Variants in CWC27 observed in about 807,000 individuals in gnomAD.
The protein encoded by CWC27 is CWC27 spliceosome associated cyclophilin, also known as spliceosome-associated protein CWC27 homolog.
A neutral mutation model predicts 63.6 loss-of-function variants in CWC27; 47 were observed. The observed-to-expected ratio is 0.74, with a 90% CI of 0.58 to 0.94. The LOEUF (loss-of-function observed/expected upper bound fraction) is 0.94, where lower values mean the gene tolerates loss of function less well. Ranked by LOEUF, CWC27 falls within the 40% of genes least tolerant of loss-of-function variation. CWC27 has a pLI of 0.00. For missense variants in CWC27, 495 were observed against 554.3 expected, an observed-to-expected ratio of 0.89 and a Z score of 1.07; for synonymous variants, 175 against 179.8, an observed-to-expected ratio of 0.97 and a Z score of 0.22.
intron 11 of CWC27, among the ~76,000 whole-genome samples, chr5:64,936,793 T>C (rs1460283147): frequency 6.6e-6 from 1 of 152,222 alleles, no homozygotes; most frequent in Non-Finnish European, 1.5e-5. Flanking sequence ...TATTGGTCTA[T>C]TCAGGGATTT....
intron 11 of CWC27, among the ~76,000 whole-genome samples, chr5:64,940,441 AC>A (rs879469786): frequency 2.6e-5 from 4 of 152,046 alleles, no homozygotes; most frequent in Non-Finnish European, 4.4e-5. Context: ...CGTGGGCTGC[AC>A]CCACTGTCTA....
rs1016524699 is a variant in CWC27 at position 64,914,752 on chromosome 5, C to T, written c.1042+29206C>T. Among the ~76,000 whole-genome samples, 3 of 152,116 alleles carry T rather than the reference C, an allele frequency of 2.0e-5. No homozygotes were observed. The South Asian group carries it at 6.2e-4, about 31-fold the overall frequency. ...ACACACAGTCCATGATTCACTGATT[C>T]TACCGTTACATACCTAGTTATCAGA... On this transcript the variant is annotated intron_variant, in intron 11 of 13. Coordinates refer to ENST00000381070, the MANE Select transcript of CWC27 (RefSeq NM_005869.4).
In CWC27 at chr5:64,853,593, AG is replaced by A. The variant is rs572114673; in HGVS notation, c.939-31848del. ...AGGTTTAATTTGCTTACAGTTCTGT[AG>A]GCTGTAAGCATGATATCAACATCTG... On this transcript the variant is annotated intron_variant, in intron 10 of 13. Coordinates refer to ENST00000381070, the MANE Select transcript of CWC27 (RefSeq NM_005869.4). Among the ~76,000 whole-genome samples, 92 of 152,354 alleles carry A rather than the reference AG, an allele frequency of 6.0e-4. No homozygotes were observed. The East Asian group carries it at 0.016, about 26-fold the overall frequency.
intron 11 of CWC27, among the ~76,000 whole-genome samples, chr5:64,898,319 T>TA (rs370475201): frequency 0.02 from 2,982 of 148,346 alleles, 57 homozygotes; most frequent in African/African-American, 0.055. Context: ...AAAGAAGCCT[T>TA]AAAAAAAAAA....
At chr5:64,825,990 C>T (rs1227700019) in intron 10 of CWC27, among the ~76,000 whole-genome samples, 3 of 152,200 alleles carry the variant, frequency 2.0e-5, no homozygotes, top group South Asian at 4.1e-4. Flanking sequence ...AGTTCCAGCA[C>T]GCCCTTCCTG....
intron 13 of CWC27, among the ~76,000 whole-genome samples, chr5:65,015,331 G>T (rs1405778862): frequency 6.6e-6 from 1 of 152,190 alleles, no homozygotes; most frequent in Non-Finnish European, 1.5e-5. Flanking sequence ...CAGAGAAAAG[G>T]ATAATTTTTT....
chr5:64,807,702 A>G (rs1342595890), intron 10 of CWC27: 1 of 1,535,868 alleles, frequency 6.5e-7, no homozygotes, highest in Non-Finnish European at 8.7e-7. Context: ...TTCCAGCCTC[A>G]GCTGTGTCTC....
intron 11 of CWC27, among the ~76,000 whole-genome samples, chr5:64,960,204 C>T (rs1748881685): frequency 7.4e-6 from 1 of 135,468 alleles, no homozygotes; most frequent in Non-Finnish European, 1.7e-5. Context: ...GAATTGTTTT[C>T]CTAGGGATTT....
At chr5:64,983,491 C>A (rs148621502) in intron 13 of CWC27, among the ~76,000 whole-genome samples, 14 of 152,206 alleles carry the variant, frequency 9.2e-5, no homozygotes, top group Non-Finnish European at 1.5e-5. Context: ...CTTTGAGAAC[C>A]GCTGGGACAA....
Position 64,785,580 on chromosome 5 carries a change from G to A in CWC27, c.495+1G>A. On this transcript the variant is annotated splice_donor_variant, in intron 5 of 13. Coordinates refer to ENST00000381070, the MANE Select transcript of CWC27 (RefSeq NM_005869.4). LOFTEE classifies it high-confidence loss of function. ...TCCACACAAAATAAAAAGCTGTGAG[G>A]TAGGAGCATGATTATTACGAGATAC... is the stretch of plus-strand genomic sequence containing the variant. 7 of 1,569,650 alleles carry A rather than the reference G, an allele frequency of 4.5e-6. No homozygotes were observed. The highest frequency in any genetic ancestry group is 6.1e-6 in the Non-Finnish European group (7 of 1,150,390).
At chr5:64,962,724 A>G (rs1232563253) in intron 11 of CWC27, among the ~76,000 whole-genome samples, 1 of 152,190 alleles carries the variant, frequency 6.6e-6, no homozygotes, top group African/African-American at 2.4e-5. Context: ...GAACCCCTTG[A>G]TTGTCTGGTA....
intron 1 of CWC27, among the ~76,000 whole-genome samples, chr5:64,770,583 T>C (rs1015770241): frequency 3.9e-5 from 6 of 152,198 alleles, no homozygotes; most frequent in African/African-American, 1.4e-4. Context: ...TTTTAGTTTT[T>C]TTCATGGTAT....
At chr5:64,901,806 T>G (rs1747517372) in intron 11 of CWC27, among the ~76,000 whole-genome samples, 1 of 152,220 alleles carries the variant, frequency 6.6e-6, no homozygotes, top group Non-Finnish European at 1.5e-5. Context: ...AAATATTTTC[T>G]TTATATCTTT....
intron 11 of CWC27, among the ~76,000 whole-genome samples, chr5:64,944,318 T>G (rs1748546499): frequency 6.6e-6 from 1 of 152,184 alleles, no homozygotes; most frequent in Non-Finnish European, 1.5e-5. Flanking sequence ...CTGTTTACTC[T>G]TAAATTTACT....
intron 11 of CWC27, among the ~76,000 whole-genome samples, chr5:64,933,018 A>G (rs1203396425): frequency 2.0e-5 from 3 of 152,172 alleles, no homozygotes; most frequent in Non-Finnish European, 4.4e-5. Context: ...CTAATCATCT[A>G]TGATTTTTCT....
intron 10 of CWC27, among the ~76,000 whole-genome samples, chr5:64,819,663 G>A (rs987936354): frequency 2.0e-5 from 3 of 152,126 alleles, no homozygotes; most frequent in Non-Finnish European, 4.4e-5. Flanking sequence ...CCAGCCATGT[G>A]AAACTGTGAG....
chr5:64,911,954 G>A (rs963702558), intron 11 of CWC27, among the ~76,000 whole-genome samples: 1 of 151,730 alleles, frequency 6.6e-6, no homozygotes, highest in East Asian at 1.9e-4. Context: ...GGCACCTGCA[G>A]TCCCAGCTAC....
At chr5:64,865,878 A>G (rs1157488033) in intron 10 of CWC27, among the ~76,000 whole-genome samples, 3 of 152,086 alleles carry the variant, frequency 2.0e-5, no homozygotes, top group Non-Finnish European at 2.9e-5. Flanking sequence ...TACATCTTGA[A>G]TCATCTTTTA....
intron 13 of CWC27, among the ~76,000 whole-genome samples, chr5:65,004,401 T>G (rs115184005): frequency 2.8e-4 from 31 of 112,312 alleles, no homozygotes; most frequent in Admixed American, 7.4e-4. Context: ...TTTTTTTTGG[T>G]GGGGGGGTGG....
Sources: allele counts gnomAD v4.1 joint callset (sites outside exome capture counted in the v4.1 genomes callset), GRCh38; gene constraint gnomAD v4.1.1; transcripts MANE v1.5; gene names NCBI Gene and HGNC (gene_info 2026-07-23, HGNC 2026-07-21).